The following CACNA2D3 variants were observed in gnomAD, a reference collection of about 807,000 sequenced individuals.
The protein encoded by CACNA2D3 is calcium voltage-gated channel auxiliary subunit alpha2delta 3, also known as voltage-dependent calcium channel subunit alpha-2/delta-3.
Under a neutral mutation model 160.6 loss-of-function variants are expected in CACNA2D3, and 60 were observed. The observed-to-expected ratio is 0.37, with a 90% CI of 0.30 to 0.46. CACNA2D3 has a LOEUF of 0.46. CACNA2D3 is among the 20% of genes least tolerant of loss of function. CACNA2D3 has a pLI of 1.00. For missense variants in CACNA2D3, 1,205 were observed against 1,365.0 expected, an observed-to-expected ratio of 0.88 and a Z score of 1.85; for synonymous variants, 558 against 492.9, an observed-to-expected ratio of 1.13 and a Z score of -1.75.
At chr3:54,742,976 A>T (rs906715192) in intron 11 of CACNA2D3, among the ~76,000 whole-genome samples, 1 of 152,256 alleles carries the variant, frequency 6.6e-6, no homozygotes, top group Non-Finnish European at 1.5e-5. Flanking sequence ...GCATAGAGAA[A>T]GTAAAATCTC....
At chr3:55,024,612 A>G (rs1336618573) in intron 35 of CACNA2D3, among the ~76,000 whole-genome samples, 1 of 152,188 alleles carries the variant, frequency 6.6e-6, no homozygotes, top group Non-Finnish European at 1.5e-5. Context: ...ACTAAACACT[A>G]AGTCTGCTGG....
chr3:54,699,880 A>T (rs1700734776), intron 11 of CACNA2D3, among the ~76,000 whole-genome samples: 1 of 152,188 alleles, frequency 6.6e-6, no homozygotes, highest in South Asian at 2.1e-4. Flanking sequence ...TGCTTACTGG[A>T]CAGTTTATAT....
intron 27 of CACNA2D3, among the ~76,000 whole-genome samples, chr3:54,905,714 G>T (rs920729563): frequency 1.3e-5 from 2 of 152,146 alleles, no homozygotes; most frequent in Non-Finnish European, 2.9e-5. Flanking sequence ...AGTGGGTAGA[G>T]GTCAGGAATG....
intron 4 of CACNA2D3, among the ~76,000 whole-genome samples, chr3:54,433,508 A>G (rs898638558): frequency 1.3e-5 from 2 of 152,234 alleles, no homozygotes; most frequent in African/African-American, 2.4e-5. Context: ...CTCCTTGGAC[A>G]ACATTAGAAC....
chr3:54,411,319 A>G (rs955302044), intron 4 of CACNA2D3, among the ~76,000 whole-genome samples: 3 of 152,242 alleles, frequency 2.0e-5, no homozygotes, highest in Non-Finnish European at 2.9e-5. Flanking sequence ...AATGCTATCA[A>G]ACAACATTGC....
intron 5 of CACNA2D3, among the ~76,000 whole-genome samples, chr3:54,533,144 G>C (rs1031731496): frequency 6.6e-6 from 1 of 151,998 alleles, no homozygotes; most frequent in Admixed American, 6.6e-5. Flanking sequence ...TCTAAACCCT[G>C]TCTGCTTTCA....
At chr3:54,602,456 C>A (rs1162876209) in intron 9 of CACNA2D3, among the ~76,000 whole-genome samples, 2 of 144,722 alleles carry the variant, frequency 1.4e-5, no homozygotes, top group Non-Finnish European at 3.0e-5. Flanking sequence ...CGAGATCATG[C>A]CACTGCACTC....
At chr3:54,147,472 TTTCCTTCCTTCA>T (rs1195837525) in intron 2 of CACNA2D3, among the ~76,000 whole-genome samples, 2 of 152,258 alleles carry the variant, frequency 1.3e-5, no homozygotes, top group African/African-American at 4.8e-5. Flanking sequence ...CCCTCCCTCC[TTTCCTTCCTTCA>T]TTCCTTCTTT....
At chr3:54,471,533 A>T (rs1014334439) in intron 4 of CACNA2D3, among the ~76,000 whole-genome samples, 3 of 152,080 alleles carry the variant, frequency 2.0e-5, no homozygotes, top group Non-Finnish European at 4.4e-5. Flanking sequence ...CTAGCAGAAG[A>T]CAAGAAATAA....
At chr3:54,182,988 C>G (rs1700808861) in intron 2 of CACNA2D3, among the ~76,000 whole-genome samples, 1 of 152,032 alleles carries the variant, frequency 6.6e-6, no homozygotes, top group African/African-American at 2.4e-5. Flanking sequence ...ACAACTTGTC[C>G]CCATGTAAAA....
intron 2 of CACNA2D3, among the ~76,000 whole-genome samples, chr3:54,155,495 C>T (rs907267337): frequency 6.6e-6 from 1 of 152,142 alleles, no homozygotes; most frequent in Non-Finnish European, 1.5e-5. Flanking sequence ...AGTTATATGG[C>T]CTAGGTCTCA....
chr3:54,669,122 G>A (rs1436940330), intron 11 of CACNA2D3, among the ~76,000 whole-genome samples: 2 of 152,198 alleles, frequency 1.3e-5, no homozygotes, highest in Non-Finnish European at 2.9e-5. Context: ...GTCAGGGCTA[G>A]CTTCATGAGC....
chr3:54,836,349 C>G (rs574705733), intron 14 of CACNA2D3, among the ~76,000 whole-genome samples: 13 of 151,996 alleles, frequency 8.6e-5, no homozygotes, highest in African/African-American at 3.1e-4. Context: ...ATTCTCCTGC[C>G]TCAGCCTCCC....
intron 4 of CACNA2D3, among the ~76,000 whole-genome samples, chr3:54,465,388 G>T (rs976749855): frequency 6.6e-6 from 1 of 151,958 alleles, no homozygotes; most frequent in Admixed American, 6.6e-5. Flanking sequence ...TGCTATAATT[G>T]TTATTTTTAT....
rs181825100 is a variant in CACNA2D3, at chr3:54,842,240, G to A, written c.1551+3592G>A. On this transcript the variant is annotated intron_variant, in intron 16 of 37. Coordinates refer to ENST00000474759, the MANE Select transcript of CACNA2D3 (RefSeq NM_018398.3). ...TTATTTTCTCAGAATGCTTTCCTGG[G>A]GAGGATTTTAACCAGTTTCTGAATA... Among the ~76,000 whole-genome samples, 634 of 152,246 alleles carry A rather than the reference G, an allele frequency of 4.2e-3. 3 individuals carry two copies. Among genetic ancestry groups the A allele is most frequent in the African/African-American group, 0.014 (572 of 41,552 alleles).
chr3:54,691,809 T>C (rs985705380), intron 11 of CACNA2D3, among the ~76,000 whole-genome samples: 19 of 152,292 alleles, frequency 1.2e-4, no homozygotes, highest in Non-Finnish European at 2.1e-4. Context: ...TTTGCAGTAT[T>C]TCATTTATTT....
chr3:54,445,184 G>A (rs948658175), intron 4 of CACNA2D3, among the ~76,000 whole-genome samples: 2 of 152,238 alleles, frequency 1.3e-5, no homozygotes, highest in Non-Finnish European at 2.9e-5. Flanking sequence ...CCCCCTCTAA[G>A]GTGGGCCACC....
intron 35 of CACNA2D3, among the ~76,000 whole-genome samples, chr3:55,062,726 T>G (rs920755307): frequency 3.6e-4 from 55 of 152,342 alleles, no homozygotes; most frequent in East Asian, 3.9e-4. Context: ...TTATTTGTTT[T>G]GTTTATGGCT....
intron 11 of CACNA2D3, 126 bp from the exon 12 acceptor site, chr3:54,752,473 T>C (rs770544656): frequency 4.8e-5 from 32 of 663,498 alleles, no homozygotes; most frequent in Non-Finnish European, 7.5e-5. Context: ...GTCTTAAATA[T>C]GTTCCTGCAG....
Sources: gnomAD v4.1 joint callset for allele counts (sites outside exome capture counted in the v4.1 genomes callset) on GRCh38, gnomAD v4.1.1 for gene constraint, MANE v1.5 for transcripts, NCBI Gene and HGNC (gene_info 2026-07-23, HGNC 2026-07-21) for gene names.